Variants in PTPRD observed in about 807,000 individuals in gnomAD.
PTPRD encodes receptor-type tyrosine-protein phosphatase delta.
In PTPRD, 34 loss-of-function variants were observed where a neutral mutation model predicts 214.5. The observed-to-expected ratio is 0.16, with a 90% CI of 0.12 to 0.21. The LOEUF is 0.21. Ranked by LOEUF, PTPRD falls within the 10% of genes least tolerant of loss-of-function variation. The pLI, the probability that PTPRD is intolerant of heterozygous loss-of-function variation, is 1.00. For missense variants in PTPRD, 2,545 were observed against 2,398.7 expected (o/e 1.06, Z -1.27); for synonymous variants, 1,128 against 845.7 (o/e 1.33, Z -5.79).
chr9:10,487,292 C>A (rs2099139012), intron 2 of PTPRD, among the ~76,000 whole-genome samples: 1 of 152,098 alleles, frequency 6.6e-6, no homozygotes, highest in South Asian at 2.1e-4. Flanking sequence ...CACTTACATT[C>A]AATGTTACTA....
At chr9:10,156,602 G>A (rs2099094841) in intron 3 of PTPRD, among the ~76,000 whole-genome samples, 1 of 152,152 alleles carries the variant, frequency 6.6e-6, no homozygotes, top group African/African-American at 2.4e-5. Flanking sequence ...TGAGAACAGT[G>A]TGTATTCTTG....
chr9:8,330,786 A>AAGAACTATAGTTTT (rs1228870494), intron 44 of PTPRD, among the ~76,000 whole-genome samples: 1 of 152,132 alleles, frequency 6.6e-6, no homozygotes, highest in Non-Finnish European at 1.5e-5. Flanking sequence ...CTATGTCGTA[A>AAGAACTATAGTTTT]AGAACTATAG....
intron 7 of PTPRD, among the ~76,000 whole-genome samples, chr9:9,686,833 C>G (rs989980891): frequency 7.9e-5 from 12 of 151,774 alleles, no homozygotes; most frequent in East Asian, 7.8e-4. Flanking sequence ...TCATACTTAA[C>G]TACATTGAGA....
chr9:10,341,531 A>G (rs10959055), intron 2 of PTPRD, among the ~76,000 whole-genome samples: 16,577 of 151,966 alleles, frequency 0.11, 945 homozygotes, highest in Non-Finnish European at 0.12. Context: ...TGGATGAGTT[A>G]TGTCTTCACA....
intron 11 of PTPRD, among the ~76,000 whole-genome samples, chr9:8,743,775 G>A (rs896389074): frequency 2.1e-5 from 3 of 145,746 alleles, no homozygotes; most frequent in Non-Finnish European, 4.5e-5. Flanking sequence ...AACTAAAAAA[G>A]CTTCTGCACA....
At chr9:9,817,393 C>T (rs2250434) in intron 5 of PTPRD, among the ~76,000 whole-genome samples, 69,209 of 151,876 alleles carry the variant, frequency 0.46, 18,774 homozygotes, top group African/African-American at 0.76. Flanking sequence ...ACTTTCAACA[C>T]GAAAAGTGGA....
chr9:8,386,922 G>C (rs1350090534), intron 37 of PTPRD, among the ~76,000 whole-genome samples: 1 of 152,124 alleles, frequency 6.6e-6, no homozygotes, highest in Non-Finnish European at 1.5e-5. Context: ...ATCTCTCCAG[G>C]ACATGTGGTC....
At chr9:8,919,682 T>C (rs62529068) in intron 11 of PTPRD, among the ~76,000 whole-genome samples, 7,035 of 152,294 alleles carry the variant, frequency 0.046, 251 homozygotes, top group East Asian at 0.1. Context: ...AATGTGTATA[T>C]ATTTATACAT....
At chr9:8,548,909 T>C (rs1181464340) in intron 14 of PTPRD, among the ~76,000 whole-genome samples, 2 of 151,962 alleles carry the variant, frequency 1.3e-5, no homozygotes, top group African/African-American at 2.4e-5. Context: ...GAGGCTGGTC[T>C]TGGACTCCTG....
intron 11 of PTPRD, among the ~76,000 whole-genome samples, chr9:8,864,720 G>C (rs1490981329): frequency 6.6e-6 from 1 of 152,098 alleles, no homozygotes; most frequent in African/African-American, 2.4e-5. Context: ...TTGTATCCTG[G>C]GCCAGGATCT....
intron 36 of PTPRD, among the ~76,000 whole-genome samples, chr9:8,391,051 T>G (rs2089364647): frequency 6.7e-6 from 1 of 149,924 alleles, no homozygotes; most frequent in Non-Finnish European, 1.5e-5. Context: ...TTTATAGGAA[T>G]GTCAGCATGA....
Position 10,322,083 on chromosome 9 carries a change from C to T in PTPRD, c.-545+18880G>A, listed in dbSNP as rs372425825. 8.4e-4 allele frequency among the ~76,000 whole-genome samples: 128 copies of T among 152,018 alleles called. 2 individuals carry two copies. The South Asian group carries it at 0.021, about 25-fold the overall frequency. ...AGGAAAATTTATGCTCTGAACCATC[C>T]GCATGAGGGTTATTACATTAGTGTT... On this transcript the variant is annotated intron_variant, in intron 3 of 45. Coordinates refer to ENST00000381196, the MANE Select transcript of PTPRD (RefSeq NM_002839.4).
At chr9:9,575,876 T>A (rs1488258787) in intron 7 of PTPRD, among the ~76,000 whole-genome samples, 1 of 151,784 alleles carries the variant, frequency 6.6e-6, no homozygotes, top group Non-Finnish European at 1.5e-5. Context: ...CGCCATCAAG[T>A]TTGTTTAATG....
chr9:10,234,850 T>A (rs569215516), intron 3 of PTPRD, among the ~76,000 whole-genome samples: 6 of 151,912 alleles, frequency 3.9e-5, no homozygotes, highest in African/African-American at 1.4e-4. Context: ...CTTCGGGAGA[T>A]TAACTTACTA....
chr9:8,670,685 T>C (rs1252122011), intron 12 of PTPRD, among the ~76,000 whole-genome samples: 1 of 152,188 alleles, frequency 6.6e-6, no homozygotes, highest in African/African-American at 2.4e-5. Flanking sequence ...TCATTTACAG[T>C]GTTCCAAAAG....
intron 5 of PTPRD, among the ~76,000 whole-genome samples, chr9:9,772,596 C>G (rs1378018830): frequency 1.4e-5 from 2 of 142,906 alleles, no homozygotes; most frequent in African/African-American, 5.1e-5. Context: ...CTAAAGCAAT[C>G]TATTGACCTG....
intron 4 of PTPRD, among the ~76,000 whole-genome samples, chr9:10,018,618 G>GCTCA (rs1567126557): frequency 8.0e-6 from 1 of 125,476 alleles, no homozygotes; most frequent in Non-Finnish European, 1.6e-5. Flanking sequence ...CGGGATCTCG[G>GCTCA]CTCACTGCAA....
At chr9:8,361,517 G>C (rs1444625899) in intron 39 of PTPRD, among the ~76,000 whole-genome samples, 1 of 152,160 alleles carries the variant, frequency 6.6e-6, no homozygotes, top group East Asian at 1.9e-4. Context: ...ACCTAGTCTA[G>C]GAGCACTCAA....
At chr9:9,383,517 T>C (rs2062945062) in intron 9 of PTPRD, among the ~76,000 whole-genome samples, 1 of 152,112 alleles carries the variant, frequency 6.6e-6, no homozygotes. Flanking sequence ...GAGTATATTA[T>C]TTGATTGAGG....
Sources: allele counts gnomAD v4.1 joint callset (sites outside exome capture counted in the v4.1 genomes callset), GRCh38; gene constraint gnomAD v4.1.1; transcripts MANE v1.5; gene names NCBI Gene and HGNC (gene_info 2026-07-23, HGNC 2026-07-21).